FABP7: variants seen among roughly 807,000 people sequenced by gnomAD.
The protein encoded by FABP7 is fatty acid binding protein 7, also known as fatty acid-binding protein, brain.
A neutral mutation model predicts 14.2 loss-of-function variants in FABP7; 13 were observed. The ratio of observed to expected loss-of-function variants is 0.91; its 90% CI spans 0.59 to 1.45. FABP7 has a LOEUF of 1.45. Among genes scored for constraint, FABP7 ranks in the 40% most tolerant of loss-of-function variants. FABP7 has a pLI of 0.00. For synonymous variants in FABP7, 49 were observed against 51.4 expected (o/e 0.95, Z 0.20); for missense variants, 149 against 157.6 (o/e 0.95, Z 0.29).
the FABP7 span, among the ~76,000 whole-genome samples, chr6:122,749,628 T>C: frequency 2.0e-5 from 3 of 152,184 alleles, no homozygotes; most frequent in African/African-American, 7.2e-5. Context: ...GTATCCTATA[T>C]CCTTGAAAGA....
chr6:122,755,238 C>G, the FABP7 span, among the ~76,000 whole-genome samples: 1 of 152,094 alleles, frequency 6.6e-6, no homozygotes, highest in African/African-American at 2.4e-5. Context: ...AAGTGAAACT[C>G]AACCCTAGCA....
intron 3 of FABP7, chr6:122,782,137 T>C: frequency 1.0e-6 from 1 of 983,868 alleles, no homozygotes; most frequent in Non-Finnish European, 1.2e-6. Context: ...TATTCAATAC[T>C]AGGTAGACAT....
At chr6:122,766,678 C>T in the FABP7 span, among the ~76,000 whole-genome samples, 4 of 151,884 alleles carry the variant, frequency 2.6e-5, no homozygotes, top group Non-Finnish European at 5.9e-5. Context: ...AAATTAACAT[C>T]TAGAAGTGAT....
At chr6:122,782,994 G>A (rs1410789138) in intron 3 of FABP7, 1 of 985,224 alleles carries the variant, frequency 1.0e-6, no homozygotes, top group Non-Finnish European at 1.2e-6. Flanking sequence ...ACTATGATCA[G>A]GCAAGATTGA....
chr6:122,757,719 C>T, the FABP7 span, among the ~76,000 whole-genome samples: 1 of 152,006 alleles, frequency 6.6e-6, no homozygotes, highest in Non-Finnish European at 1.5e-5. Flanking sequence ...TACCCGCTAA[C>T]CTTGAGGCTT....
chr6:122,757,380 C>T, the FABP7 span, among the ~76,000 whole-genome samples: 1 of 151,992 alleles, frequency 6.6e-6, no homozygotes, highest in Non-Finnish European at 1.5e-5. Context: ...GTAGGAATCA[C>T]CGAGAAGATG....
At chr6:122,764,748 G>A in the FABP7 span, among the ~76,000 whole-genome samples, 3 of 152,132 alleles carry the variant, frequency 2.0e-5, no homozygotes, top group African/African-American at 7.2e-5. Flanking sequence ...AAAGGGATGT[G>A]TGTATGTTTG....
the FABP7 span, among the ~76,000 whole-genome samples, chr6:122,758,895 T>G: frequency 6.6e-6 from 1 of 152,200 alleles, no homozygotes; most frequent in African/African-American, 2.4e-5. Flanking sequence ...ACATAAAAAT[T>G]ATTTAGGGAC....
chr6:122,761,533 C>A, the FABP7 span, among the ~76,000 whole-genome samples: 1 of 152,066 alleles, frequency 6.6e-6, no homozygotes, highest in Non-Finnish European at 1.5e-5. Context: ...CAATATAGGG[C>A]AGTCAAAGAT....
chr6:122,767,267 T>C, the FABP7 span, among the ~76,000 whole-genome samples: 2 of 152,054 alleles, frequency 1.3e-5, no homozygotes, highest in Non-Finnish European at 2.9e-5. Context: ...TATATACATA[T>C]ATTAAGGGCC....
chr6:122,763,932 C>A, the FABP7 span, among the ~76,000 whole-genome samples: 1,881 of 152,186 alleles, frequency 0.012, 37 homozygotes, highest in African/African-American at 0.043. Context: ...AACACTTTTA[C>A]CCTGTTAGTG....
At chr6:122,762,646 C>T in the FABP7 span, among the ~76,000 whole-genome samples, 5 of 152,200 alleles carry the variant, frequency 3.3e-5, no homozygotes, top group African/African-American at 9.6e-5. Context: ...AAAACCCCAT[C>T]GTCTCAGCCC....
chr6:122,767,057 T>A, the FABP7 span, among the ~76,000 whole-genome samples: 6 of 152,038 alleles, frequency 3.9e-5, no homozygotes, highest in African/African-American at 1.4e-4. Flanking sequence ...TTAAAAAATA[T>A]GTAGAAAAGC....
chr6:122,761,368 A>G, the FABP7 span, among the ~76,000 whole-genome samples: 4 of 152,188 alleles, frequency 2.6e-5, no homozygotes, highest in African/African-American at 9.6e-5. Context: ...TCAGACCATT[A>G]CTTATATGCT....
chr6:122,771,944 C>T, the FABP7 span, among the ~76,000 whole-genome samples: 25 of 152,244 alleles, frequency 1.6e-4, 1 homozygote, highest in East Asian at 1.4e-3. Flanking sequence ...CTATGCTAGA[C>T]GATGGTCGTA....
chr6:122,769,763 G>C, the FABP7 span, among the ~76,000 whole-genome samples: 1 of 152,066 alleles, frequency 6.6e-6, no homozygotes, highest in African/African-American at 2.4e-5. Flanking sequence ...CGTTTGTAAT[G>C]TCATTCCCAT....
intron 3 of FABP7, chr6:122,782,220 C>A: frequency 1.0e-6 from 1 of 975,430 alleles, no homozygotes; most frequent in Non-Finnish European, 1.2e-6. Context: ...TATTAGTGTC[C>A]TAAGGCTGCC....
the FABP7 span, among the ~76,000 whole-genome samples, chr6:122,769,687 C>T: frequency 6.6e-6 from 1 of 151,990 alleles, no homozygotes; most frequent in African/African-American, 2.4e-5. Flanking sequence ...AGAAAACTTA[C>T]GAAATGCTGG....
upstream of FABP7, among the ~76,000 whole-genome samples, chr6:122,776,170 A>G (rs529855617): frequency 1.3e-5 from 2 of 152,280 alleles, no homozygotes; most frequent in African/African-American, 4.8e-5. Flanking sequence ...ATCCCATTGC[A>G]GTGTATATAT....
Sources: allele counts gnomAD v4.1 joint callset (sites outside exome capture counted in the v4.1 genomes callset), GRCh38; gene constraint gnomAD v4.1.1; transcripts MANE v1.5; gene names NCBI Gene and HGNC (gene_info 2026-07-23, HGNC 2026-07-21).